ARL15: variants seen among roughly 807,000 people sequenced by gnomAD.
The protein encoded by ARL15 is ADP-ribosylation factor-like protein 15.
A neutral mutation model predicts 25.2 loss-of-function variants in ARL15; 19 were observed. The observed-to-expected ratio is 0.75, with a 90% CI of 0.53 to 1.10. The LOEUF (loss-of-function observed/expected upper bound fraction) is 1.10. Ranked by LOEUF, ARL15 falls within the 50% of genes least tolerant of loss-of-function variation. The probability of loss-of-function intolerance (pLI) is 0.00; values close to 1 mark genes in which losing one functional copy is unlikely to be tolerated. For missense variants in ARL15, 220 were observed against 246.0 expected (o/e 0.89, Z 0.71); for synonymous variants, 94 against 86.8 (o/e 1.08, Z -0.46).
chr5:54,133,765 T>C (rs1322625686), intron 3 of ARL15, among the ~76,000 whole-genome samples: 3 of 151,840 alleles, frequency 2.0e-5, no homozygotes, highest in African/African-American at 4.8e-5. Context: ...AACCTAACAA[T>C]TGGAAGAAGA....
chr5:54,025,589 G>A (rs1749767337), intron 4 of ARL15, among the ~76,000 whole-genome samples: 1 of 152,174 alleles, frequency 6.6e-6, no homozygotes, highest in Non-Finnish European at 1.5e-5. Context: ...AGTGATAAGG[G>A]ATAATCACTG....
chr5:54,309,400 T>C (rs907608816), intron 1 of ARL15, among the ~76,000 whole-genome samples: 1 of 152,226 alleles, frequency 6.6e-6, no homozygotes, highest in African/African-American at 2.4e-5. Context: ...ATGCACAGAC[T>C]TTCTCAGTAC....
chr5:53,921,336 C>G (rs576242228), intron 4 of ARL15, among the ~76,000 whole-genome samples: 3 of 152,294 alleles, frequency 2.0e-5, no homozygotes, highest in Admixed American at 1.3e-4. Context: ...ACTGTCCCCC[C>G]TATAGCTATT....
chr5:54,269,224 GAATAA>G (rs200457189), intron 1 of ARL15, among the ~76,000 whole-genome samples: 2 of 151,746 alleles, frequency 1.3e-5, no homozygotes, highest in South Asian at 2.1e-4. Flanking sequence ...AGTATAATAA[GAATAA>G]AATAAAATAA....
chr5:54,021,878 C>A (rs1749614108), intron 4 of ARL15, among the ~76,000 whole-genome samples: 1 of 152,056 alleles, frequency 6.6e-6, no homozygotes, highest in Non-Finnish European at 1.5e-5. Context: ...AAAGAAAAAG[C>A]TTCAAAGCAG....
intron 4 of ARL15, among the ~76,000 whole-genome samples, chr5:54,095,863 G>T (rs1234991136): frequency 6.7e-6 from 1 of 150,302 alleles, no homozygotes; most frequent in Non-Finnish European, 1.5e-5. Context: ...AGACTTCAAA[G>T]TTAAAAAAAA....
intron 1 of ARL15, among the ~76,000 whole-genome samples, chr5:54,279,427 CCTT>C (rs1197778060): frequency 6.6e-6 from 1 of 152,140 alleles, no homozygotes; most frequent in East Asian, 1.9e-4. Context: ...AAGATGTCCA[CCTT>C]CTTATGTCCT....
intron 1 of ARL15, among the ~76,000 whole-genome samples, chr5:54,186,028 GATT>G (rs1755226857): frequency 6.6e-6 from 1 of 151,914 alleles, no homozygotes; most frequent in Admixed American, 6.6e-5. Context: ...ACAATCGTTG[GATT>G]ATTTTCTTCC....
chr5:53,963,069 G>A (rs1167037835), intron 4 of ARL15, among the ~76,000 whole-genome samples: 1 of 151,822 alleles, frequency 6.6e-6, no homozygotes, highest in Non-Finnish European at 1.5e-5. Context: ...ATTAACAGTA[G>A]GTCTGAAAAA....
At chr5:54,259,250 GCA>G (rs1057432414) in intron 1 of ARL15, among the ~76,000 whole-genome samples, 5 of 151,970 alleles carry the variant, frequency 3.3e-5, no homozygotes, top group Non-Finnish European at 5.9e-5. Flanking sequence ...ACTCATATAT[GCA>G]CACACACACA....
At chr5:53,964,774 T>G (rs779761050) in intron 4 of ARL15, among the ~76,000 whole-genome samples, 2 of 152,244 alleles carry the variant, frequency 1.3e-5, no homozygotes, top group African/African-American at 2.4e-5. Context: ...AAATACTTTC[T>G]ATAACATCCT....
rs116241156 is a variant in ARL15 at position 54,026,923 on chromosome 5, T to G, written c.462+86279A>C. On this transcript the variant is annotated intron_variant, in intron 4 of 4. Transcript: ENST00000504924. ...TCTCTAGTTCCTACTGACAGATGTGTGTGACCACTTGATGCAAAGCTCTCT... is the reference window on the plus strand; with the variant it reads ...TCTCTAGTTCCTACTGACAGATGTGGGTGACCACTTGATGCAAAGCTCTCT... Among the ~76,000 whole-genome samples the G allele has an allele frequency of 3.5e-3, 536 of 152,296 alleles. 1 individual carries two copies. Among genetic ancestry groups the G allele is most frequent in the African/African-American group, 0.012 (515 of 41,564 alleles).
At chr5:54,001,657 GTT>G (rs573490455) in intron 4 of ARL15, among the ~76,000 whole-genome samples, 304 of 152,150 alleles carry the variant, frequency 2.0e-3, no homozygotes, top group Non-Finnish European at 3.4e-3. Context: ...TTTTTTGAAA[GTT>G]TACTGTTCCA....
chr5:53,897,557 A>G (rs62372370), intron 4 of ARL15, among the ~76,000 whole-genome samples: 314 of 152,256 alleles, frequency 2.1e-3, no homozygotes, highest in Non-Finnish European at 3.5e-3. Context: ...GTGTAAACAC[A>G]TGTTTTCATT....
At chr5:54,032,673 CTACT>C (rs1348700298) in intron 4 of ARL15, among the ~76,000 whole-genome samples, 2 of 151,820 alleles carry the variant, frequency 1.3e-5, no homozygotes, top group Non-Finnish European at 1.5e-5. Context: ...AGAGAAGAGA[CTACT>C]TAAGCATGGG....
At chr5:54,225,093 AAAGATGAGAC>A (rs1756482893) in intron 1 of ARL15, among the ~76,000 whole-genome samples, 1 of 152,228 alleles carries the variant, frequency 6.6e-6, no homozygotes, top group African/African-American at 2.4e-5. Flanking sequence ...GGGTTGCTGT[AAAGATGAGAC>A]AAGTTAACGT....
chr5:54,043,846 T>TAA (rs34949977), intron 4 of ARL15, among the ~76,000 whole-genome samples: 2,065 of 143,066 alleles, frequency 0.014, 59 homozygotes, highest in African/African-American at 0.051. Flanking sequence ...CCCCATCTCT[T>TAA]AAAAAAAAAA....
chr5:54,195,491 C>G (rs1226057309), intron 1 of ARL15, among the ~76,000 whole-genome samples: 1 of 152,188 alleles, frequency 6.6e-6, no homozygotes, highest in Non-Finnish European at 1.5e-5. Context: ...GGCCCAACCT[C>G]TGATTTCAGG....
intron 4 of ARL15, among the ~76,000 whole-genome samples, chr5:54,064,685 G>C (rs1360790202): frequency 1.3e-5 from 2 of 151,682 alleles, no homozygotes; most frequent in Non-Finnish European, 2.9e-5. Context: ...GATAATATTT[G>C]CACTGTTCTC....
Sources: allele counts gnomAD v4.1 joint callset (sites outside exome capture counted in the v4.1 genomes callset), GRCh38; gene constraint gnomAD v4.1.1; transcripts MANE v1.5; gene names NCBI Gene and HGNC (gene_info 2026-07-23, HGNC 2026-07-21).